Variants in DMD observed in about 807,000 individuals in gnomAD.
DMD encodes mutant dystrophin.
A neutral mutation model predicts 330.1 loss-of-function variants in DMD; 63 were observed. The ratio of observed to expected loss-of-function variants is 0.19; its 90% CI spans 0.16 to 0.24. The LOEUF (loss-of-function observed/expected upper bound fraction) is 0.24. DMD is among the 10% of genes least tolerant of loss of function. The pLI, the probability that DMD is intolerant of heterozygous loss-of-function variation, is 1.00. For synonymous variants in DMD, 1,223 were observed against 959.8 expected (o/e 1.27, Z -5.07); for missense variants, 3,344 against 2,684.1 (o/e 1.25, Z -5.43).
chrX:32,632,833 C>G (rs745357170), intron 11 of DMD, among the ~76,000 whole-genome samples: 1 of 112,359 alleles, frequency 8.9e-6, no homozygotes, highest in African/African-American at 3.2e-5. Context: ...CTTAGGCCTC[C>G]GGATCTATAA....
chrX:32,044,798 A>G (rs1466289600), intron 44 of DMD, among the ~76,000 whole-genome samples: 1 of 112,182 alleles, frequency 8.9e-6, no homozygotes, highest in Non-Finnish European at 1.9e-5. Flanking sequence ...TAAAGTAGAA[A>G]TGCTATTATT....
intron 1 of DMD, among the ~76,000 whole-genome samples, chrX:33,111,055 C>T (rs1156810222): frequency 1.8e-5 from 2 of 111,355 alleles, no homozygotes. Flanking sequence ...AAAGCTACTG[C>T]AACTAAGCAC....
At chrX:31,183,697 A>G (rs6631257) in intron 67 of DMD, among the ~76,000 whole-genome samples, 29,003 of 109,291 alleles carry the variant, frequency 0.27, 3,501 homozygotes, top group African/African-American at 0.45. Flanking sequence ...TTTTTATATT[A>G]TTAGATAGAT....
intron 44 of DMD, among the ~76,000 whole-genome samples, chrX:31,986,630 T>C (rs2095511110): frequency 9.0e-6 from 1 of 111,633 alleles, no homozygotes; most frequent in Admixed American, 9.5e-5. Context: ...CAGGATGGTG[T>C]CGATCTCTTG....
intron 52 of DMD, among the ~76,000 whole-genome samples, chrX:31,687,294 T>G (rs1471873049): frequency 1.8e-5 from 2 of 110,806 alleles, no homozygotes; most frequent in Non-Finnish European, 3.8e-5. Context: ...GACAGAAAAG[T>G]AAAGGGGACT....
At chrX:32,094,023 A>G (rs911569678) in intron 44 of DMD, among the ~76,000 whole-genome samples, 1 of 111,962 alleles carries the variant, frequency 8.9e-6, no homozygotes, top group Non-Finnish European at 1.9e-5. Context: ...GCTCATTAAC[A>G]AAATGCTACA....
intron 2 of DMD, among the ~76,000 whole-genome samples, chrX:33,008,084 C>T (rs2093431885): frequency 9.0e-6 from 1 of 111,666 alleles, no homozygotes; most frequent in African/African-American, 3.2e-5. Flanking sequence ...GCACTCATCA[C>T]CTGGCCACAA....
chrX:31,933,857 A>G (rs1408042792), intron 45 of DMD, among the ~76,000 whole-genome samples: 1 of 111,766 alleles, frequency 8.9e-6, no homozygotes, highest in African/African-American at 3.3e-5. Context: ...TGTTGCATAT[A>G]ATTTTAGTCT....
At position 32,691,319 on chromosome X, in the gene DMD, C is replaced by CA. The variant is rs763927104; in HGVS notation, c.960+6550dup. 8.6e-3 allele frequency among the ~76,000 whole-genome samples: 725 copies of CA among 84,496 alleles called. 1 individual carries two copies. Among genetic ancestry groups the CA allele is most frequent in the South Asian group, 0.011 (20 of 1,842 alleles). 73.4% of individuals were successfully genotyped at this position (84,496 alleles called of 115,157 possible). ...ATAAAGAATTCCTACAACTCATTGGCAAAAAAAAAAAAACTAAAAACGCAA... is the reference window on the plus strand; with the variant it reads ...ATAAAGAATTCCTACAACTCATTGGCAAAAAAAAAAAAAACTAAAAACGCAA... On this transcript the variant is annotated intron_variant, in intron 9 of 78. Transcript: ENST00000357033.
At chrX:31,693,115 T>C (rs1342900824) in intron 52 of DMD, among the ~76,000 whole-genome samples, 1 of 112,194 alleles carries the variant, frequency 8.9e-6, no homozygotes, top group East Asian at 2.8e-4. Flanking sequence ...AGAAGGTTGT[T>C]TCAATATATG....
intron 44 of DMD, among the ~76,000 whole-genome samples, chrX:31,982,564 A>T (rs2095482562): frequency 9.0e-6 from 1 of 111,329 alleles, no homozygotes; most frequent in Admixed American, 9.6e-5. Context: ...TTCTTCTATC[A>T]CTTTTAGTGG....
chrX:32,636,773 T>A lies in DMD; in HGVS notation c.1331+7359A>T, dbSNP rs185197199. 6.3e-5 allele frequency among the ~76,000 whole-genome samples: 7 copies of A among 110,763 alleles called. No individual in the cohort carries two copies. In the Admixed American group the frequency reaches 6.7e-4, roughly 11 times the overall value. ...CTGAGGCTGAGGAGGCTAAGGCAGGTGGATCACGAGGTCAGGAGGTCGAGA... is the reference window on the plus strand; with the variant it reads ...CTGAGGCTGAGGAGGCTAAGGCAGGAGGATCACGAGGTCAGGAGGTCGAGA... On this transcript the variant is annotated intron_variant, in intron 11 of 78. Coordinates refer to ENST00000357033, the MANE Select transcript of DMD (RefSeq NM_004006.3).
chrX:33,282,454 T>G (rs1206467682), intron 1 of DMD, among the ~76,000 whole-genome samples: 1 of 111,538 alleles, frequency 9.0e-6, no homozygotes, highest in Non-Finnish European at 1.9e-5. Context: ...AGAGGCTTCC[T>G]GCACTAGGCC....
chrX:31,300,573 G>A (rs1361164919), intron 62 of DMD, among the ~76,000 whole-genome samples: 1 of 111,526 alleles, frequency 9.0e-6, no homozygotes, highest in East Asian at 2.8e-4. Flanking sequence ...GAGTATCTTC[G>A]TATTTAGGTT....
intron 62 of DMD, among the ~76,000 whole-genome samples, chrX:31,294,702 C>T (rs1317774187): frequency 8.9e-6 from 1 of 112,100 alleles, no homozygotes; most frequent in Non-Finnish European, 1.9e-5. Context: ...AGTTAAAGGA[C>T]AAGCTTGTAA....
intron 11 of DMD, among the ~76,000 whole-genome samples, chrX:32,625,576 T>G (rs1200865224): frequency 1.8e-5 from 2 of 112,291 alleles, no homozygotes; most frequent in Non-Finnish European, 3.8e-5. Flanking sequence ...TAGCATTTTT[T>G]AAAATTTTCA....
At chrX:32,892,388 CGTTTTTT>C (rs752039840) in intron 2 of DMD, among the ~76,000 whole-genome samples, 57 of 109,376 alleles carry the variant, frequency 5.2e-4, no homozygotes, top group Non-Finnish European at 7.4e-4. Context: ...TGTTTGTTTT[CGTTTTTT>C]GTTTTTTGTT....
intron 41 of DMD, among the ~76,000 whole-genome samples, chrX:32,331,826 C>T (rs959732844): frequency 3.6e-5 from 4 of 111,557 alleles, no homozygotes; most frequent in East Asian, 5.6e-4. Context: ...GTATAAATCA[C>T]GTATAAATGG....
At chrX:32,544,568 T>G (rs748521801) in intron 17 of DMD, among the ~76,000 whole-genome samples, 1 of 111,854 alleles carries the variant, frequency 8.9e-6, no homozygotes, top group Admixed American at 9.6e-5. Flanking sequence ...ATACCTAACT[T>G]ATCTAAAATG....
Sources: allele counts gnomAD v4.1 joint callset (sites outside exome capture counted in the v4.1 genomes callset), GRCh38; gene constraint gnomAD v4.1.1; transcripts MANE v1.5; gene names NCBI Gene and HGNC (gene_info 2026-07-23, HGNC 2026-07-21).